The following DLEU7 variants were observed in gnomAD, a reference collection of about 807,000 sequenced individuals.
DLEU7 encodes deleted in lymphocytic leukemia 7, also known as leukemia-associated protein 7.
Under a neutral mutation model 16.0 loss-of-function variants are expected in DLEU7, and 17 were observed. The ratio of observed to expected loss-of-function variants is 1.06; its 90% CI spans 0.73 to 1.59. DLEU7 has a LOEUF of 1.59. Among genes scored for constraint, DLEU7 ranks in the 40% most tolerant of loss-of-function variants. The pLI is 0.00. For synonymous variants in DLEU7, 113 were observed against 139.8 expected (o/e 0.81, Z 1.35); for missense variants, 308 against 314.9 (o/e 0.98, Z 0.17).
chr13:50,821,406 C>G (rs1424093563), downstream of DLEU7, among the ~76,000 whole-genome samples: 2 of 152,116 alleles, frequency 1.3e-5, no homozygotes, highest in African/African-American at 2.4e-5. Flanking sequence ...ACTGTAGATG[C>G]TATGCAACAT....
At chr13:50,798,920 C>T (rs1451723720) in intron 1 of DLEU7, among the ~76,000 whole-genome samples, 1 of 152,188 alleles carries the variant, frequency 6.6e-6, no homozygotes, top group Admixed American at 6.5e-5. Context: ...AAAAGGCATG[C>T]CACTGTCCAG....
chr13:50,741,293 C>G (rs1276517586), intron 1 of DLEU7, among the ~76,000 whole-genome samples: 1 of 152,144 alleles, frequency 6.6e-6, no homozygotes, highest in African/African-American at 2.4e-5. Flanking sequence ...CCTCAAATGC[C>G]AGCTTTATAT....
intron 1 of DLEU7, among the ~76,000 whole-genome samples, chr13:50,752,375 G>A (rs544215710): frequency 3.3e-5 from 5 of 152,160 alleles, no homozygotes; most frequent in East Asian, 1.9e-4. Flanking sequence ...TGATGTAGGC[G>A]TTTAGGGCTA....
At chr13:50,805,085 T>A (rs1274890293) in intron 1 of DLEU7, among the ~76,000 whole-genome samples, 1 of 152,190 alleles carries the variant, frequency 6.6e-6, no homozygotes, top group East Asian at 1.9e-4. Context: ...TCAACGTCTA[T>A]GAATAGTTGT....
chr13:50,830,135 T>G (rs1437742602), intron 1 of DLEU7, among the ~76,000 whole-genome samples: 1 of 152,354 alleles, frequency 6.6e-6, no homozygotes, highest in Non-Finnish European at 1.5e-5. Context: ...TAAAAGCAGG[T>G]TTTGAAACTT....
chr13:50,755,233 T>C lies in DLEU7; in HGVS notation c.460-41993A>G, dbSNP rs1159333679. 4.6e-5 allele frequency among the ~76,000 whole-genome samples: 7 copies of C among 152,342 alleles called. No individual in the cohort carries two copies. In the East Asian group the frequency reaches 1.3e-3, roughly 29 times the overall value. Reference sequence around the variant, plus strand: ...TGTGCTTCTTGTATTTGAATGTCTATGTCTCTAGCAAGGCTGGGAAAGTTT... The same window carrying C: ...TGTGCTTCTTGTATTTGAATGTCTACGTCTCTAGCAAGGCTGGGAAAGTTT... On this transcript the variant is annotated intron_variant, in intron 1 of 1. Transcript: ENST00000400393.
intron 1 of DLEU7, among the ~76,000 whole-genome samples, chr13:50,758,353 A>G (rs1309120851): frequency 6.6e-6 from 1 of 151,914 alleles, no homozygotes; most frequent in Non-Finnish European, 1.5e-5. Flanking sequence ...CAGTTAATTA[A>G]GGTTTCTTTT....
At chr13:50,798,820 A>T (rs1003629664) in intron 1 of DLEU7, among the ~76,000 whole-genome samples, 3 of 152,150 alleles carry the variant, frequency 2.0e-5, no homozygotes, top group Non-Finnish European at 2.9e-5. Flanking sequence ...TTGCTCCTGG[A>T]GCCTTCTGTA....
At chr13:50,751,832 G>A (rs1874573404) in intron 1 of DLEU7, among the ~76,000 whole-genome samples, 1 of 151,838 alleles carries the variant, frequency 6.6e-6, no homozygotes, top group Admixed American at 6.6e-5. Flanking sequence ...TTCTTTTCTT[G>A]GTTAACCTTG....
rs55722607 is a variant in DLEU7, at chr13:50,738,962, TACACACACACACAC to T, written c.460-25736_460-25723del. ...CCAGTGAGCAGCCTCTAAAAAATAA[TACACACACACACAC>T]ACACACACACACACACACACACACA... On this transcript the variant is annotated intron_variant, in intron 1 of 1. Transcript: ENST00000400393. 6.8e-3 allele frequency among the ~76,000 whole-genome samples: 983 copies of T among 144,756 alleles called. 11 individuals are homozygous for T. Among genetic ancestry groups the T allele is most frequent in the African/African-American group, 0.017 (670 of 39,784 alleles). The allele number at this position is 144,756 out of a possible 152,430, so 95.0% of individuals were successfully genotyped here. A position where few individuals can be genotyped will look rare whatever the true frequency, so the allele number is the denominator to read the frequency against.
At chr13:50,761,091 T>C (rs1874914887) in intron 1 of DLEU7, among the ~76,000 whole-genome samples, 2 of 152,218 alleles carry the variant, frequency 1.3e-5, no homozygotes, top group South Asian at 4.1e-4. Context: ...TGGATTGTGT[T>C]GTGAGAGACC....
intron 1 of DLEU7, among the ~76,000 whole-genome samples, chr13:50,721,037 G>A (rs1873591256): frequency 6.6e-6 from 1 of 152,204 alleles, no homozygotes; most frequent in Non-Finnish European, 1.5e-5. Flanking sequence ...TGGACTGGGA[G>A]AGGCTGACCC....
chr13:50,777,596 C>G (rs755963774), intron 1 of DLEU7, among the ~76,000 whole-genome samples: 1 of 152,064 alleles, frequency 6.6e-6, no homozygotes, highest in Non-Finnish European at 1.5e-5. Flanking sequence ...TAGTTCTGTC[C>G]CTTTAGAGAA....
At chr13:50,752,429 T>C (rs1344039392) in intron 1 of DLEU7, among the ~76,000 whole-genome samples, 1 of 149,354 alleles carries the variant, frequency 6.7e-6, no homozygotes, top group African/African-American at 2.5e-5. Flanking sequence ...CCCAGAGGTT[T>C]TGATAGGTTG....
At chr13:50,771,865 A>G (rs1041890022) in intron 1 of DLEU7, among the ~76,000 whole-genome samples, 1 of 152,072 alleles carries the variant, frequency 6.6e-6, no homozygotes, top group African/African-American at 2.4e-5. Flanking sequence ...ACAGTGGGGT[A>G]TTAAAGTCTC....
At chr13:50,772,734 A>G (rs1875359168) in intron 1 of DLEU7, among the ~76,000 whole-genome samples, 1 of 152,036 alleles carries the variant, frequency 6.6e-6, no homozygotes, top group South Asian at 2.1e-4. Context: ...GAATCTGACA[A>G]TTATGTGTCT....
chr13:50,737,520 A>G (rs954033199), intron 1 of DLEU7, among the ~76,000 whole-genome samples: 1 of 152,158 alleles, frequency 6.6e-6, no homozygotes. Flanking sequence ...AATTCTTCCA[A>G]TAATTCAAAC....
chr13:50,783,111 C>CTTA lies in DLEU7; in HGVS notation c.459+60074_459+60076dup, dbSNP rs200154877. The stretch of plus-strand genomic sequence containing the variant: ...ATCACTTGCTGAATTCCTCAGTCTC[C>CTTA]TTATCTCCGGTAGATGGATTCTAAA... On this transcript the variant is annotated intron_variant, in intron 1 of 1. Coordinates refer to the DLEU7 transcript ENST00000400393. Among the ~76,000 whole-genome samples, 937 of 152,320 alleles carry CTTA rather than the reference C, an allele frequency of 6.2e-3. 8 individuals are homozygous for CTTA. Among genetic ancestry groups the CTTA allele is most frequent in the Admixed American group, 0.014 (209 of 15,304 alleles).
chr13:50,807,277 T>C (rs1876419680), intron 1 of DLEU7, among the ~76,000 whole-genome samples: 1 of 152,090 alleles, frequency 6.6e-6, no homozygotes, highest in Non-Finnish European at 1.5e-5. Context: ...CTTAAGAAGC[T>C]TTCTATTATT....
Sources: allele counts gnomAD v4.1 joint callset (sites outside exome capture counted in the v4.1 genomes callset), GRCh38; gene constraint gnomAD v4.1.1; transcripts MANE v1.5; gene names NCBI Gene and HGNC (gene_info 2026-07-23, HGNC 2026-07-21).